The following NAV2 variants were observed in gnomAD, a reference collection of about 807,000 sequenced individuals.
NAV2 encodes helicase, APC down-regulated 1.
NAV2 carries 54 observed loss-of-function variants against 223.2 expected under a neutral mutation model. That is an observed-to-expected ratio of 0.24 (90% confidence interval 0.19 to 0.30). The LOEUF is 0.30. Among genes scored for constraint, NAV2 ranks in the 10% least tolerant of loss-of-function variants. The pLI is 1.00. For synonymous variants in NAV2, 1,279 were observed against 1,239.3 expected, an observed-to-expected ratio of 1.03 and a Z score of -0.67; for missense variants, 2,806 against 3,147.5, an observed-to-expected ratio of 0.89 and a Z score of 2.60.
At chr11:19,415,627 C>T (rs1850333825) in intron 1 of NAV2, among the ~76,000 whole-genome samples, 1 of 152,132 alleles carries the variant, frequency 6.6e-6, no homozygotes, top group Non-Finnish European at 1.5e-5. Flanking sequence ...CAAAACCTGG[C>T]AGAGACACAA....
rs116501066 is a variant in NAV2 at position 19,497,410 on chromosome 11, G to A, written c.75+146383G>A. ...ATTTGGCCCCTTGACAGAGATAGAAGATGCCAGAACATGATGGAAGAAATG... is the reference window on the plus strand; with the variant it reads ...ATTTGGCCCCTTGACAGAGATAGAAAATGCCAGAACATGATGGAAGAAATG... On this transcript the variant is annotated intron_variant, in intron 1 of 37. Coordinates refer to the NAV2 transcript ENST00000360655. Among the ~76,000 whole-genome samples, 698 of 152,352 alleles carry A rather than the reference G, an allele frequency of 4.6e-3. 6 individuals are homozygous for A. Among genetic ancestry groups the A allele is most frequent in the African/African-American group, 0.016 (658 of 41,586 alleles).
chr11:20,096,382 G>A (rs1253021586), intron 30 of NAV2, among the ~76,000 whole-genome samples: 1 of 152,186 alleles, frequency 6.6e-6, no homozygotes, highest in African/African-American at 2.4e-5. Context: ...TTTGAAGGAA[G>A]CTTTTGGTAC....
chr11:19,990,089 T>C (rs940684363), intron 11 of NAV2, among the ~76,000 whole-genome samples: 1 of 152,228 alleles, frequency 6.6e-6, no homozygotes, highest in Admixed American at 6.5e-5. Context: ...CCCAGACCTG[T>C]TGCACATGGA....
At chr11:20,063,530 G>A (rs1340589512) in intron 20 of NAV2, among the ~76,000 whole-genome samples, 1 of 152,040 alleles carries the variant, frequency 6.6e-6, no homozygotes, top group Non-Finnish European at 1.5e-5. Context: ...GCACCACCAT[G>A]CCTGGCTAAT....
intron 5 of NAV2, among the ~76,000 whole-genome samples, chr11:19,886,257 T>C (rs1434488812): frequency 6.6e-6 from 1 of 151,964 alleles, no homozygotes; most frequent in African/African-American, 2.4e-5. Flanking sequence ...GGATTACAGG[T>C]GTGAGCCACT....
intron 11 of NAV2, among the ~76,000 whole-genome samples, chr11:19,985,144 CACA>C (rs1434326666): frequency 6.6e-6 from 1 of 151,282 alleles, no homozygotes; most frequent in Admixed American, 6.6e-5. Flanking sequence ...CAAATAGTAG[CACA>C]ACAACAGCTT....
At chr11:19,943,570 A>G (rs552620243) in intron 8 of NAV2, among the ~76,000 whole-genome samples, 9 of 152,158 alleles carry the variant, frequency 5.9e-5, no homozygotes, top group Non-Finnish European at 8.8e-5. Context: ...GTTGTCATCT[A>G]TCTCAGAAGA....
At chr11:19,361,305 T>C (rs1405408807) in intron 1 of NAV2, among the ~76,000 whole-genome samples, 1 of 151,658 alleles carries the variant, frequency 6.6e-6, no homozygotes, top group African/African-American at 2.4e-5. Flanking sequence ...TTCTTGTCCA[T>C]AGAAATCTGA....
At chr11:19,772,689 C>A (rs946340997) in intron 1 of NAV2, among the ~76,000 whole-genome samples, 2 of 152,136 alleles carry the variant, frequency 1.3e-5, no homozygotes, top group African/African-American at 4.8e-5. Context: ...ATTTTAAGAC[C>A]ATGTAAAAGC....
intron 1 of NAV2, among the ~76,000 whole-genome samples, chr11:19,749,080 A>G (rs1269265984): frequency 6.6e-6 from 1 of 152,244 alleles, no homozygotes; most frequent in African/African-American, 2.4e-5. Flanking sequence ...AAGCTCTTAG[A>G]ATTTCAAATG....
chr11:19,633,847 A>G (rs1379528539), intron 1 of NAV2, among the ~76,000 whole-genome samples: 2 of 152,150 alleles, frequency 1.3e-5, no homozygotes, highest in Non-Finnish European at 2.9e-5. Context: ...AAGCTCTACT[A>G]CTTACCAGCT....
intron 1 of NAV2, among the ~76,000 whole-genome samples, chr11:19,379,443 T>A (rs573118985): frequency 6.6e-6 from 1 of 152,312 alleles, no homozygotes; most frequent in South Asian, 2.1e-4. Flanking sequence ...TCAGAAGACA[T>A]TCACATCTGT....
At chr11:19,775,005 C>T (rs1337793989) in intron 1 of NAV2, among the ~76,000 whole-genome samples, 1 of 152,004 alleles carries the variant, frequency 6.6e-6, no homozygotes, top group East Asian at 1.9e-4. Context: ...TGTATAAATC[C>T]CTGATCTTGC....
chr11:19,468,069 G>A (rs1383603030), intron 1 of NAV2, among the ~76,000 whole-genome samples: 1 of 152,154 alleles, frequency 6.6e-6, no homozygotes, highest in Non-Finnish European at 1.5e-5. Flanking sequence ...TAGCATGGCT[G>A]AGACTGTCCT....
Position 19,947,998 on chromosome 11 carries a change from A to G in NAV2, c.2256-693A>G, listed in dbSNP as rs753462464. On this transcript the variant is annotated intron_variant, in intron 9 of 37. Transcript: ENST00000349880. ...GCTGTGATGCAACATCCTAGAATGA[A>G]TGGGCAAGCAGGAACCTTCATGCCC... is the stretch of plus-strand genomic sequence containing the variant. 2.9e-4 allele frequency among the ~76,000 whole-genome samples: 44 copies of G among 152,160 alleles called. 1 individual carries two copies. The highest frequency in any genetic ancestry group is 2.4e-3 in the Admixed American group (37 of 15,282).
At chr11:20,072,973 T>G (rs1211503376) in intron 22 of NAV2, among the ~76,000 whole-genome samples, 2 of 152,216 alleles carry the variant, frequency 1.3e-5, no homozygotes, top group African/African-American at 4.8e-5. Flanking sequence ...CAATACTATG[T>G]TGAATAGGAG....
rs80244793 is a variant in NAV2, at chr11:19,425,973, G to A, written c.75+74946G>A. ...TTGTTTCAATGACACAGAGAAAGAG[G>A]GAAGTAGATGGTATTTGAGTTACTG... On this transcript the variant is annotated intron_variant, in intron 1 of 37. Transcript: ENST00000360655. Among the ~76,000 whole-genome samples, 90 of 152,268 alleles carry A rather than the reference G, an allele frequency of 5.9e-4. 1 individual carries two copies. In the East Asian group the frequency reaches 0.016, roughly 28 times the overall value.
chr11:19,515,357 A>C (rs2043412934), intron 1 of NAV2, among the ~76,000 whole-genome samples: 1 of 152,210 alleles, frequency 6.6e-6, no homozygotes, highest in African/African-American at 2.4e-5. Context: ...CATGCCTGAG[A>C]GGGAACTTGC....
At chr11:19,744,299 G>C (rs1469203059) in intron 1 of NAV2, among the ~76,000 whole-genome samples, 2 of 152,174 alleles carry the variant, frequency 1.3e-5, no homozygotes, top group African/African-American at 4.8e-5. Context: ...CAGAGTAGAG[G>C]ATGCCAATGG....
Sources: gnomAD v4.1 joint callset for allele counts (sites outside exome capture counted in the v4.1 genomes callset) on GRCh38, gnomAD v4.1.1 for gene constraint, MANE v1.5 for transcripts, NCBI Gene and HGNC (gene_info 2026-07-23, HGNC 2026-07-21) for gene names.